Variants in TYW1B observed in about 807,000 individuals in gnomAD.
TYW1B encodes S-adenosyl-L-methionine-dependent tRNA 4-demethylwyosine synthase TYW1B.
A neutral mutation model predicts 86.9 loss-of-function variants in TYW1B; 73 were observed. The observed-to-expected ratio is 0.84, with a 90% CI of 0.70 to 1.02. The LOEUF (loss-of-function observed/expected upper bound fraction) is 1.02. Among genes scored for constraint, TYW1B ranks in the 50% least tolerant of loss-of-function variants. The pLI is 0.00. For synonymous variants in TYW1B, 248 were observed against 292.8 expected, an observed-to-expected ratio of 0.85 and a Z score of 1.56; for missense variants, 637 against 827.4, an observed-to-expected ratio of 0.77 and a Z score of 2.82.
intron 11 of TYW1B, among the ~76,000 whole-genome samples, chr7:72,646,537 A>T (rs1372079836): frequency 6.6e-6 from 1 of 151,064 alleles, no homozygotes; most frequent in African/African-American, 2.4e-5. Context: ...GCACCTGGCT[A>T]ATTTTTGTAA....
chr7:72,678,534 A>G (rs1234592650), intron 11 of TYW1B, among the ~76,000 whole-genome samples: 1 of 152,234 alleles, frequency 6.6e-6, no homozygotes, highest in Non-Finnish European at 1.5e-5. Context: ...TGGGAGGATT[A>G]TAAAATAAAA....
chr7:72,683,784 T>TGACAC (rs1459367478), intron 11 of TYW1B, among the ~76,000 whole-genome samples: 1 of 152,182 alleles, frequency 6.6e-6, no homozygotes, highest in Non-Finnish European at 1.5e-5. Context: ...AACCAGGCTC[T>TGACAC]GACACGGCAG....
At chr7:72,633,518 C>G (rs1340912141) in intron 11 of TYW1B, among the ~76,000 whole-genome samples, 1 of 152,212 alleles carries the variant, frequency 6.6e-6, no homozygotes, top group Non-Finnish European at 1.5e-5. Context: ...ATGTATAACT[C>G]CAGGGATTAT....
chr7:72,797,217 G>A (rs1554474606), intron 6 of TYW1B, among the ~76,000 whole-genome samples: 1 of 152,174 alleles, frequency 6.6e-6, no homozygotes, highest in African/African-American at 2.4e-5. Context: ...GAAACCATGT[G>A]ATTAGAGGAT....
intron 12 of TYW1B, among the ~76,000 whole-genome samples, chr7:72,620,067 A>G (rs1554437696): frequency 6.6e-6 from 1 of 152,098 alleles, no homozygotes; most frequent in Non-Finnish European, 1.5e-5. Context: ...GCTTTATGGT[A>G]TTTTCACATA....
intron 11 of TYW1B, among the ~76,000 whole-genome samples, chr7:72,641,335 C>T (rs560794161): frequency 2.0e-5 from 3 of 152,206 alleles, no homozygotes; most frequent in East Asian, 3.9e-4. Context: ...TATTCTCAAA[C>T]TCTTCCAAAA....
At chr7:72,588,112 C>T (rs567128110) in intron 13 of TYW1B, among the ~76,000 whole-genome samples, 2 of 152,318 alleles carry the variant, frequency 1.3e-5, no homozygotes, top group Admixed American at 1.3e-4. Context: ...CTGTTGCCAC[C>T]TTCTTCTGAG....
chr7:72,823,452 T>A (rs1788870008), intron 2 of TYW1B, among the ~76,000 whole-genome samples: 2 of 151,902 alleles, frequency 1.3e-5, no homozygotes, highest in Admixed American at 1.3e-4. Context: ...AAACCCCATC[T>A]CTTCTAAAAA....
At chr7:72,650,383 A>G (rs11761171) in intron 11 of TYW1B, among the ~76,000 whole-genome samples, 33,452 of 151,786 alleles carry the variant, frequency 0.22, 4,255 homozygotes, top group African/African-American at 0.36. Context: ...GGGGTACAGC[A>G]CTCTACTTTA....
chr7:72,729,026 A>T (rs189623192), intron 8 of TYW1B, 95 bp from the exon 9 acceptor site: 2 of 1,196,496 alleles, frequency 1.7e-6, no homozygotes, highest in East Asian at 5.1e-5. Context: ...AAAATCACAA[A>T]ATCAGGACTG....
intron 11 of TYW1B, among the ~76,000 whole-genome samples, chr7:72,691,780 C>T (rs1195067763): frequency 6.6e-6 from 1 of 151,960 alleles, no homozygotes; most frequent in Non-Finnish European, 1.5e-5. Flanking sequence ...TATTAATAAC[C>T]AAAGAAGGCA....
chr7:72,828,034 C>G, intron 1 of TYW1B, 38 bp downstream of exon 1: 1 of 1,613,202 alleles, frequency 6.2e-7, no homozygotes, highest in Non-Finnish European at 8.5e-7. Context: ...TTTACCTCCC[C>G]TGCCGCCCCA....
At chr7:72,599,811 A>G (rs1308474566) in intron 13 of TYW1B, among the ~76,000 whole-genome samples, 9 of 152,218 alleles carry the variant, frequency 5.9e-5, no homozygotes, top group Non-Finnish European at 1.0e-4. Flanking sequence ...ATTGAAATAT[A>G]AATCTAACAA....
Position 72,807,144 on chromosome 7 carries a change from A to G in TYW1B, c.645T>C (p.Cys215=). The G allele has an allele frequency of 6.2e-7, 1 of 1,614,050 alleles. No individual in the cohort carries two copies. The highest frequency in any genetic ancestry group is 1.3e-5 in the African/African-American group (1 of 75,036). The stretch of plus-strand genomic sequence containing the variant: ...CCTCTGAGCCATGTTGGTGAGATTC[A>G]CATTTGCCTTTCTTGCAGTGGCCGC... The part of the protein sequence containing the change: ...SCGGHCKKGK[C]ESHQHGSEER... Residue 215 remains cysteine (C), a synonymous_variant, in exon 5 of 14, where the codon TGT becomes TGC. Coordinates refer to ENST00000620995, the MANE Select transcript of TYW1B (RefSeq NM_001145440.3).
At chr7:72,707,304 G>A (rs1814637251) in intron 10 of TYW1B, among the ~76,000 whole-genome samples, 1 of 152,246 alleles carries the variant, frequency 6.6e-6, no homozygotes, top group African/African-American at 2.4e-5. Context: ...CATAGCTGCT[G>A]GGGGATGAGA....
chr7:72,631,283 T>G (rs1812482727), intron 11 of TYW1B, among the ~76,000 whole-genome samples: 1 of 152,022 alleles, frequency 6.6e-6, no homozygotes, highest in Non-Finnish European at 1.5e-5. Flanking sequence ...GAGGCCGAAG[T>G]GGGTCGCTCA....
intron 6 of TYW1B, among the ~76,000 whole-genome samples, chr7:72,796,811 TTCTGGG>T (rs1251054590): frequency 2.0e-5 from 3 of 151,294 alleles, no homozygotes; most frequent in Admixed American, 6.6e-5. Flanking sequence ...CATTGATTAT[TTCTGGG>T]TCTGCGGCAC....
At chr7:72,807,428 G>T in intron 4 of TYW1B, 72 bp from the exon 5 acceptor site, 1 of 1,536,724 alleles carries the variant, frequency 6.5e-7, no homozygotes, top group East Asian at 2.3e-5. Context: ...CTCTGCAAAA[G>T]CCCAAAGTCC....
At chr7:72,596,857 A>G (rs1811546288) in intron 13 of TYW1B, among the ~76,000 whole-genome samples, 1 of 151,964 alleles carries the variant, frequency 6.6e-6, no homozygotes, top group South Asian at 2.1e-4. Flanking sequence ...TGGGGAAAAA[A>G]ATTGCAAATG....
Sources: gnomAD v4.1 joint callset for allele counts (sites outside exome capture counted in the v4.1 genomes callset) on GRCh38, gnomAD v4.1.1 for gene constraint, MANE v1.5 for transcripts, NCBI Gene and HGNC (gene_info 2026-07-23, HGNC 2026-07-21) for gene names.